The following NWD2 variants were observed in gnomAD, a reference collection of about 807,000 sequenced individuals.
NWD2 encodes the protein NACHT and WD repeat domain-containing protein 2.
A neutral mutation model predicts 132.7 loss-of-function variants in NWD2; 37 were observed. The ratio of observed to expected loss-of-function variants is 0.28; its 90% CI spans 0.21 to 0.37. The LOEUF (loss-of-function observed/expected upper bound fraction) is 0.37. Among genes scored for constraint, NWD2 ranks in the 10% least tolerant of loss-of-function variants. NWD2 has a pLI of 1.00. For synonymous variants in NWD2, 705 were observed against 803.0 expected, an observed-to-expected ratio of 0.88 and a Z score of 2.06; for missense variants, 1,592 against 2,122.4, an observed-to-expected ratio of 0.75 and a Z score of 4.91.
At chr4:37,341,748 C>T (rs566721535) in intron 2 of NWD2, among the ~76,000 whole-genome samples, 17 of 152,194 alleles carry the variant, frequency 1.1e-4, no homozygotes, top group African/African-American at 3.6e-4. Context: ...GATTTTCATC[C>T]GTAAAACAGA....
chr4:37,372,908 C>T (rs938432643), intron 3 of NWD2, among the ~76,000 whole-genome samples: 5 of 152,172 alleles, frequency 3.3e-5, no homozygotes, highest in African/African-American at 1.2e-4. Context: ...TTTGAATGCC[C>T]TCTGACTGTC....
At chr4:37,356,307 A>T in intron 2 of NWD2, 59 bp from the exon 3 acceptor site, 2 of 875,766 alleles carry the variant, frequency 2.3e-6, no homozygotes, top group Non-Finnish European at 3.4e-6. Flanking sequence ...TTAGCTTGAC[A>T]TTGTAAATAA....
intron 1 of NWD2, among the ~76,000 whole-genome samples, chr4:37,247,888 G>A (rs923944900): frequency 2.0e-5 from 3 of 152,158 alleles, no homozygotes; most frequent in Admixed American, 6.5e-5. Context: ...GGGATTACAG[G>A]TGTGAGCCAC....
At chr4:37,328,568 A>G (rs1371744130) in intron 2 of NWD2, among the ~76,000 whole-genome samples, 1 of 152,170 alleles carries the variant, frequency 6.6e-6, no homozygotes, top group Admixed American at 6.5e-5. Context: ...TGCAAAGGAC[A>G]TGAACTCCAT....
At chr4:37,404,807 A>C (rs906334161) in intron 3 of NWD2, among the ~76,000 whole-genome samples, 1 of 152,224 alleles carries the variant, frequency 6.6e-6, no homozygotes, top group Non-Finnish European at 1.5e-5. Flanking sequence ...GACGTCTTAC[A>C]AGGTGGAACA....
At chr4:37,329,847 A>G (rs1458501920) in intron 2 of NWD2, among the ~76,000 whole-genome samples, 1 of 152,222 alleles carries the variant, frequency 6.6e-6, no homozygotes, top group Non-Finnish European at 1.5e-5. Flanking sequence ...TAGTGCAAAC[A>G]GGAAGAACTA....
chr4:37,266,255 C>G (rs530173668), intron 1 of NWD2, among the ~76,000 whole-genome samples: 113 of 152,190 alleles, frequency 7.4e-4, no homozygotes, highest in African/African-American at 2.6e-3. Context: ...AGATCTGGAG[C>G]CACTGTTAAC....
chr4:37,377,561 G>A (rs1053190581), intron 3 of NWD2, among the ~76,000 whole-genome samples: 43 of 152,060 alleles, frequency 2.8e-4, no homozygotes, highest in African/African-American at 1.0e-3. Context: ...GAGAAACCCC[G>A]TCTCTACTAA....
chr4:37,430,308 A>G (rs2109325958), intron 3 of NWD2, among the ~76,000 whole-genome samples: 1 of 152,334 alleles, frequency 6.6e-6, no homozygotes, highest in African/African-American at 2.4e-5. Context: ...AACTTTGAGA[A>G]AGTAAATTGG....
intron 1 of NWD2, among the ~76,000 whole-genome samples, chr4:37,311,501 T>A (rs78773917): frequency 4.1e-5 from 6 of 146,930 alleles, no homozygotes; most frequent in Non-Finnish European, 8.9e-5. Flanking sequence ...TTCTTGTAAA[T>A]TTGTTTGAGT....
intron 1 of NWD2, among the ~76,000 whole-genome samples, chr4:37,274,136 C>T (rs1717937299): frequency 6.6e-6 from 1 of 152,024 alleles, no homozygotes; most frequent in Admixed American, 6.6e-5. Flanking sequence ...ATCAATGAAT[C>T]CAGGAGCTGT....
At chr4:37,254,270 TC>T (rs1717465401) in intron 1 of NWD2, among the ~76,000 whole-genome samples, 1 of 152,126 alleles carries the variant, frequency 6.6e-6, no homozygotes, top group South Asian at 2.1e-4. Flanking sequence ...TGTTGAGAAA[TC>T]CCTGGCAATA....
intron 2 of NWD2, among the ~76,000 whole-genome samples, chr4:37,345,529 T>G (rs1719616789): frequency 2.0e-5 from 3 of 152,228 alleles, no homozygotes; most frequent in Non-Finnish European, 2.9e-5. Flanking sequence ...TCAGATCGTT[T>G]GCCCATTTTT....
intron 3 of NWD2, among the ~76,000 whole-genome samples, chr4:37,415,855 T>C (rs1324193858): frequency 6.6e-6 from 1 of 152,118 alleles, no homozygotes; most frequent in African/African-American, 2.4e-5. Context: ...ATATCACCAT[T>C]TAAACAACAC....
At chr4:37,306,896 C>T (rs762658632) in intron 1 of NWD2, among the ~76,000 whole-genome samples, 8 of 152,112 alleles carry the variant, frequency 5.3e-5, no homozygotes, top group East Asian at 1.9e-4. Flanking sequence ...TGGTGGCACA[C>T]GCCTGTATTC....
chr4:37,338,371 G>A (rs560988386), intron 2 of NWD2, among the ~76,000 whole-genome samples: 1 of 152,302 alleles, frequency 6.6e-6, no homozygotes, highest in African/African-American at 2.4e-5. Flanking sequence ...TCTTCTTAGG[G>A]AAAAGAAGCA....
chr4:37,270,433 G>T (rs1717844511), intron 1 of NWD2, among the ~76,000 whole-genome samples: 1 of 151,762 alleles, frequency 6.6e-6, no homozygotes, highest in Non-Finnish European at 1.5e-5. Flanking sequence ...AGTTCAGTCT[G>T]GTTAGCTTCC....
chr4:37,255,385 C>A (rs1396995804), intron 1 of NWD2, among the ~76,000 whole-genome samples: 4 of 152,104 alleles, frequency 2.6e-5, no homozygotes, highest in African/African-American at 7.2e-5. Flanking sequence ...GGAACTGCTC[C>A]TGCCATATGT....
intron 2 of NWD2, among the ~76,000 whole-genome samples, chr4:37,331,636 G>T (rs1211896781): frequency 6.6e-6 from 1 of 152,218 alleles, no homozygotes; most frequent in Admixed American, 6.5e-5. Flanking sequence ...AGAGCAAGAT[G>T]ACCAAATAGA....
Sources: gnomAD v4.1 joint callset for allele counts (sites outside exome capture counted in the v4.1 genomes callset) on GRCh38, gnomAD v4.1.1 for gene constraint, MANE v1.5 for transcripts, NCBI Gene and HGNC (gene_info 2026-07-23, HGNC 2026-07-21) for gene names.